CDH1: variants seen among roughly 807,000 people sequenced by gnomAD.
The protein encoded by CDH1 is cadherin 1.
CDH1 carries 35 observed loss-of-function variants against 84.5 expected under a neutral mutation model. The observed-to-expected ratio is 0.41, with a 90% CI of 0.32 to 0.55. The LOEUF (loss-of-function observed/expected upper bound fraction) is 0.55. Among genes scored for constraint, CDH1 ranks in the 20% least tolerant of loss-of-function variants. The pLI is 0.19. For missense variants in CDH1, 994 were observed against 1,126.6 expected (o/e 0.88, Z 1.68); for synonymous variants, 417 against 439.0 (o/e 0.95, Z 0.63).
chr16:68,813,232 G>A, intron 8 of CDH1, 81 bp from the exon 9 acceptor site: 2 of 1,385,042 alleles, frequency 1.4e-6, no homozygotes, highest in South Asian at 2.3e-5. Context: ...AACAAAAAAA[G>A]AGGAATCCTT....
At chr16:68,783,029 ACATCACATGTTGCCT>A (rs1959926882) in intron 2 of CDH1, among the ~76,000 whole-genome samples, 1 of 152,184 alleles carries the variant, frequency 6.6e-6, no homozygotes, top group Non-Finnish European at 1.5e-5. Flanking sequence ...TTTGGAAGCC[ACATCACATGTTGCCT>A]ATTGAGATTA....
At position 68,801,817 on chromosome 16, in the gene CDH1, A is replaced by T. The variant is rs760351575; in HGVS notation, c.311A>T (p.Asp104Val). 2 of 1,613,984 alleles carry T rather than the reference A, an allele frequency of 1.2e-6. No homozygotes were observed. Among genetic ancestry groups the T allele is most frequent in the Non-Finnish European group, 1.7e-6 (2 of 1,180,000 alleles). ...PQIHFLVYAWDSTYRKFSTKV... is the reference protein window; with the variant it reads ...PQIHFLVYAWVSTYRKFSTKV... ...ATCCATTTCTTGGTCTACGCCTGGGACTCCACCTACAGAAAGTTTTCCACC... is the reference window on the plus strand; with the variant it reads ...ATCCATTTCTTGGTCTACGCCTGGGTCTCCACCTACAGAAAGTTTTCCACC... The change falls in exon 3 of 16, where the codon GAC becomes GTC. Residue 104 changes from aspartate to valine, a missense_variant. This residue lies in a region of CDH1 where 203 missense variants were observed against 194.0 expected (regional missense o/e 1.05). Transcript: ENST00000261769.
At chr16:68,799,376 C>T (rs531143766) in intron 2 of CDH1, among the ~76,000 whole-genome samples, 16 of 151,942 alleles carry the variant, frequency 1.1e-4, no homozygotes, top group East Asian at 1.9e-4. Flanking sequence ...GTCAGGTGGG[C>T]GACTCTTTGA....
intron 2 of CDH1, among the ~76,000 whole-genome samples, chr16:68,783,180 T>C (rs763257441): frequency 2.0e-5 from 3 of 151,922 alleles, no homozygotes. Flanking sequence ...GCAGATATCC[T>C]GAGCTCAGGA....
At chr16:68,767,544 T>C (rs1165823498) in intron 2 of CDH1, among the ~76,000 whole-genome samples, 1 of 152,188 alleles carries the variant, frequency 6.6e-6, no homozygotes, top group Non-Finnish European at 1.5e-5. Flanking sequence ...TCCCCAGAGA[T>C]GGGGATTCTC....
In CDH1 at chr16:68,801,714, T is replaced by C. The variant is rs587781862; in HGVS notation, c.208T>C (p.Ser70Pro). 2.5e-6 allele frequency: 4 copies of C among 1,614,046 alleles called. No individual in the cohort carries two copies. In the African/African-American group the frequency reaches 4.0e-5, roughly 16 times the overall value. ...CGGTCGACAAAGGACAGCCTATTTT[T>C]CCCTCGACACCCGATTCAAAGTGGG... is the stretch of plus-strand genomic sequence containing the variant. ...CTGRQRTAYF[S>P]LDTRFKVGTD... The change falls in exon 3 of 16, where the codon TCC (serine) becomes CCC (proline). Residue 70 changes from serine to proline, a missense_variant. Ser to Pro is a moderately conservative substitution (Grantham distance 74). Coordinates refer to ENST00000261769, the MANE Select transcript of CDH1 (RefSeq NM_004360.5).
intron 2 of CDH1, among the ~76,000 whole-genome samples, chr16:68,746,195 G>A (rs948587852): frequency 3.9e-5 from 6 of 152,170 alleles, no homozygotes; most frequent in Non-Finnish European, 7.3e-5. Flanking sequence ...GGAGGCCAAG[G>A]CGGGCAGATC....
chr16:68,834,397 T>G lies in CDH1; in HGVS notation c.*898T>G. Reference sequence around the variant, plus strand: ...CCCACCAGCCTCCTTTTTATTTTTTTGTACAGATGGGGTCTTGCTATGTTG... The same window carrying G: ...CCCACCAGCCTCCTTTTTATTTTTTGGTACAGATGGGGTCTTGCTATGTTG... On this transcript the variant is annotated 3_prime_UTR_variant, in exon 16 of 16. Coordinates refer to ENST00000261769, the MANE Select transcript of CDH1 (RefSeq NM_004360.5). 2.4e-6 allele frequency: 1 copy of G among 409,422 alleles called. No individual in the cohort carries two copies. The highest frequency in any genetic ancestry group is 2.2e-5 in the South Asian group (1 of 45,332). The allele number at this position is 409,422 out of a possible 1,614,324, so 25.4% of individuals were successfully genotyped here.
At chr16:68,830,293 C>T (rs1961453529) in intron 15 of CDH1, among the ~76,000 whole-genome samples, 1 of 152,046 alleles carries the variant, frequency 6.6e-6, no homozygotes, top group African/African-American at 2.4e-5. Flanking sequence ...AATTTTGGAT[C>T]TAATCGTGCT....
intron 15 of CDH1, among the ~76,000 whole-genome samples, chr16:68,830,413 T>C (rs773878557): frequency 2.0e-5 from 3 of 152,178 alleles, no homozygotes; most frequent in Non-Finnish European, 2.9e-5. Flanking sequence ...GTTTCACTAA[T>C]GGAATTTACT....
rs1959617236 is a variant in CDH1, at chr16:68,772,856, G to A, written c.164-28814G>A. ...GTGGGAGGATCGCTTGAGCCTGGGA[G>A]GTCAATGCTGCAGTGAGCCATGATT... is the stretch of plus-strand genomic sequence containing the variant. On this transcript the variant is annotated intron_variant, in intron 2 of 15. Coordinates refer to ENST00000261769, the MANE Select transcript of CDH1 (RefSeq NM_004360.5). 5.3e-5 allele frequency among the ~76,000 whole-genome samples: 8 copies of A among 152,158 alleles called. No individual in the cohort carries two copies. The South Asian group carries it at 1.7e-3, about 32-fold the overall frequency.
intron 3 of CDH1, among the ~76,000 whole-genome samples, chr16:68,802,653 T>A (rs1379945367): frequency 2.0e-5 from 3 of 152,102 alleles, no homozygotes; most frequent in African/African-American, 7.2e-5. Flanking sequence ...GTATTTTTAG[T>A]AGAGGCAGGG....
In CDH1 at chr16:68,781,606, G is replaced by A. The variant is rs114557713; in HGVS notation, c.164-20064G>A. Among the ~76,000 whole-genome samples, 792 of 152,120 alleles carry A rather than the reference G, an allele frequency of 5.2e-3. 10 individuals are homozygous for A. The highest frequency in any genetic ancestry group is 0.018 in the African/African-American group (758 of 41,514). On this transcript the variant is annotated intron_variant, in intron 2 of 15. Coordinates refer to ENST00000261769, the MANE Select transcript of CDH1 (RefSeq NM_004360.5). ...CATCCCCCTTGGCCTCCCAAAGTGC[G>A]GGGATAACAGGCATGCAACACCATG... is the stretch of plus-strand genomic sequence containing the variant.
intron 2 of CDH1, among the ~76,000 whole-genome samples, chr16:68,750,324 C>G (rs1051965230): frequency 2.6e-5 from 4 of 151,964 alleles, no homozygotes; most frequent in African/African-American, 9.7e-5. Flanking sequence ...GCCTTCAAGA[C>G]TTGGGAGTGT....
chr16:68,791,916 G>A (rs1960218612), intron 2 of CDH1, among the ~76,000 whole-genome samples: 1 of 151,720 alleles, frequency 6.6e-6, no homozygotes, highest in African/African-American at 2.4e-5. Flanking sequence ...GTCTGCCTAT[G>A]TATTTTGTTT....
At chr16:68,826,045 C>A (rs1448788485) in intron 13 of CDH1, among the ~76,000 whole-genome samples, 1 of 152,056 alleles carries the variant, frequency 6.6e-6, no homozygotes, top group Non-Finnish European at 1.5e-5. Flanking sequence ...GTCTCAAACT[C>A]CTGGTCTCAA....
intron 2 of CDH1, among the ~76,000 whole-genome samples, chr16:68,783,388 C>CAAAAAAA (rs375080273): frequency 3.2e-5 from 2 of 61,752 alleles, no homozygotes; most frequent in African/African-American, 1.2e-4. Context: ...CAGAGTATCT[C>CAAAAAAA]AAAAAAAAAA....
chr16:68,819,433 G>A lies in CDH1; in HGVS notation c.1711+8G>A. 1 of 1,612,884 alleles carries A rather than the reference G, an allele frequency of 6.2e-7. No homozygotes were observed. The highest frequency in any genetic ancestry group is 8.5e-7 in the Non-Finnish European group (1 of 1,179,880). On this transcript the variant is annotated splice_region_variant and intron_variant, in intron 11 of 15. Transcript: ENST00000261769. ...TCATAGCTACAGACAATGGTAAGGGGGCCTCATCTGAGCCTTTGCTGCCTC... is the reference window on the plus strand; with the variant it reads ...TCATAGCTACAGACAATGGTAAGGGAGCCTCATCTGAGCCTTTGCTGCCTC...
intron 2 of CDH1, among the ~76,000 whole-genome samples, chr16:68,786,391 C>A (rs578017370): frequency 6.6e-6 from 1 of 152,016 alleles, no homozygotes; most frequent in East Asian, 1.9e-4. Flanking sequence ...AGGCTGGTCT[C>A]GAACCCCTGA....
Sources: allele counts gnomAD v4.1 joint callset (sites outside exome capture counted in the v4.1 genomes callset), GRCh38; gene constraint gnomAD v4.1.1; regional missense constraint gnomAD v4.1.1; transcripts MANE v1.5; gene names NCBI Gene and HGNC (gene_info 2026-07-23, HGNC 2026-07-21).